CCSER1: variants seen among roughly 807,000 people sequenced by gnomAD.
CCSER1 encodes coiled-coil serine rich protein 1, also known as serine-rich coiled-coil domain-containing protein 1.
Under a neutral mutation model 82.0 loss-of-function variants are expected in CCSER1, and 41 were observed. The ratio of observed to expected loss-of-function variants is 0.50; its 90% CI spans 0.39 to 0.65. The LOEUF (loss-of-function observed/expected upper bound fraction) is 0.65, where lower values mean the gene tolerates loss of function less well. Ranked by LOEUF, CCSER1 falls within the 30% of genes least tolerant of loss-of-function variation. The probability of loss-of-function intolerance (pLI) is 0.00; values close to 1 mark genes in which losing one functional copy is unlikely to be tolerated. For synonymous variants in CCSER1, 414 were observed against 383.9 expected (o/e 1.08, Z -0.92); for missense variants, 1,119 against 1,064.2 (o/e 1.05, Z -0.72).
chr4:90,258,501 C>T lies in CCSER1; in HGVS notation c.-41-49743C>T, dbSNP rs562118219. 5.9e-5 allele frequency among the ~76,000 whole-genome samples: 9 copies of T among 152,024 alleles called. No homozygotes were observed. In the South Asian group the frequency reaches 1.7e-3, roughly 28 times the overall value. Reference sequence around the variant, plus strand: ...CATTCCAGCCTGGCGAAAGGTGAGACTCCATCTCAAAAACAAACAAACAAA... The same window carrying T: ...CATTCCAGCCTGGCGAAAGGTGAGATTCCATCTCAAAAACAAACAAACAAA... On this transcript the variant is annotated intron_variant, in intron 1 of 10. Transcript: ENST00000509176.
At chr4:91,584,114 G>C (rs1440499510) in intron 10 of CCSER1, among the ~76,000 whole-genome samples, 1 of 151,276 alleles carries the variant, frequency 6.6e-6, no homozygotes, top group Non-Finnish European at 1.5e-5. Flanking sequence ...TTCATTTTTT[G>C]TTCAACAGAT....
intron 9 of CCSER1, among the ~76,000 whole-genome samples, chr4:90,973,927 G>A (rs575704584): frequency 4.0e-5 from 6 of 151,606 alleles, no homozygotes; most frequent in Admixed American, 3.3e-4. Context: ...ATGTGTTCCT[G>A]GTCCATTCAT....
chr4:90,164,113 A>T (rs1411088913), intron 1 of CCSER1, among the ~76,000 whole-genome samples: 2 of 152,102 alleles, frequency 1.3e-5, no homozygotes, highest in Non-Finnish European at 2.9e-5. Flanking sequence ...CCTGGAAATC[A>T]TGACTGCTTC....
chr4:90,548,137 A>C (rs2153639143), intron 5 of CCSER1, among the ~76,000 whole-genome samples: 1 of 152,254 alleles, frequency 6.6e-6, no homozygotes, highest in East Asian at 1.9e-4. Context: ...TAGACCAGAA[A>C]AAAAAAATTA....
intron 10 of CCSER1, among the ~76,000 whole-genome samples, chr4:91,393,700 A>G (rs752273324): frequency 6.6e-6 from 1 of 152,052 alleles, no homozygotes; most frequent in Non-Finnish European, 1.5e-5. Context: ...CTCCTGCTGT[A>G]TCTAATTTCT....
chr4:91,312,005 A>C (rs1035759376), intron 10 of CCSER1, among the ~76,000 whole-genome samples: 1 of 151,894 alleles, frequency 6.6e-6, no homozygotes, highest in Non-Finnish European at 1.5e-5. Context: ...TGAGGAGGAA[A>C]TTATTCTGAT....
intron 1 of CCSER1, among the ~76,000 whole-genome samples, chr4:90,259,167 T>C (rs998248373): frequency 5.9e-5 from 9 of 152,200 alleles, no homozygotes; most frequent in Non-Finnish European, 1.0e-4. Flanking sequence ...TAGTGTTTTG[T>C]AGTTTTCCTT....
At chr4:91,426,638 C>T (rs1292506307) in intron 10 of CCSER1, among the ~76,000 whole-genome samples, 1 of 151,904 alleles carries the variant, frequency 6.6e-6, no homozygotes, top group Non-Finnish European at 1.5e-5. Flanking sequence ...AATTTGAAAC[C>T]TATATGATAA....
intron 6 of CCSER1, among the ~76,000 whole-genome samples, chr4:90,697,751 G>A (rs1049037751): frequency 5.9e-5 from 9 of 152,078 alleles, no homozygotes; most frequent in Non-Finnish European, 1.3e-4. Flanking sequence ...GAGAACAATT[G>A]ATTTGCAGGT....
At chr4:91,412,753 G>A (rs1922219) in intron 10 of CCSER1, among the ~76,000 whole-genome samples, 117,236 of 152,032 alleles carry the variant, frequency 0.77, 45,788 homozygotes, top group African/African-American at 0.9. Context: ...GTAAAGAATG[G>A]AAGTGGTATT....
At chr4:90,269,443 A>G (rs1725851209) in intron 1 of CCSER1, among the ~76,000 whole-genome samples, 1 of 152,116 alleles carries the variant, frequency 6.6e-6, no homozygotes, top group South Asian at 2.1e-4. Flanking sequence ...CTAGTGGGTC[A>G]ATGAAGAGAT....
At chr4:90,691,608 T>G (rs1323101315) in intron 6 of CCSER1, among the ~76,000 whole-genome samples, 1 of 146,424 alleles carries the variant, frequency 6.8e-6, no homozygotes, top group African/African-American at 2.5e-5. Context: ...TGTGTATATA[T>G]CACATGTATA....
At chr4:91,382,645 T>C (rs1462651286) in intron 10 of CCSER1, among the ~76,000 whole-genome samples, 3 of 152,162 alleles carry the variant, frequency 2.0e-5, no homozygotes, top group Non-Finnish European at 4.4e-5. Context: ...CCCTGACCCA[T>C]TGCGCTTCTT....
At chr4:91,148,740 T>C (rs1729806865) in intron 10 of CCSER1, among the ~76,000 whole-genome samples, 2 of 152,148 alleles carry the variant, frequency 1.3e-5, no homozygotes, top group African/African-American at 2.4e-5. Flanking sequence ...TGGTGTTTGG[T>C]TTTCTATTCT....
At chr4:90,457,416 C>A (rs1266077162) in intron 4 of CCSER1, among the ~76,000 whole-genome samples, 1 of 152,164 alleles carries the variant, frequency 6.6e-6, no homozygotes, top group Non-Finnish European at 1.5e-5. Flanking sequence ...CAGCAGGTCC[C>A]AAGTACTTGT....
intron 10 of CCSER1, among the ~76,000 whole-genome samples, chr4:91,443,504 G>A (rs1755339891): frequency 8.4e-6 from 1 of 119,380 alleles, no homozygotes; most frequent in Admixed American, 1.0e-4. Context: ...GGGGACTGTT[G>A]TGGGGTGGGG....
intron 7 of CCSER1, among the ~76,000 whole-genome samples, chr4:90,742,870 A>T (rs1746782303): frequency 6.6e-6 from 1 of 152,158 alleles, no homozygotes; most frequent in South Asian, 2.1e-4. Context: ...TTTTTATTGT[A>T]CCATGTGGAT....
chr4:90,324,906 A>G (rs1198716136), intron 3 of CCSER1, among the ~76,000 whole-genome samples: 1 of 152,174 alleles, frequency 6.6e-6, no homozygotes, highest in Non-Finnish European at 1.5e-5. Context: ...CAGTTTTCCC[A>G]GCACCATTTA....
At chr4:91,043,426 T>C (rs1387613405) in intron 9 of CCSER1, among the ~76,000 whole-genome samples, 1 of 152,046 alleles carries the variant, frequency 6.6e-6, no homozygotes, top group Non-Finnish European at 1.5e-5. Flanking sequence ...ATCCCTAGAA[T>C]TGACAGTGTT....
Sources: allele counts gnomAD v4.1 joint callset (sites outside exome capture counted in the v4.1 genomes callset), GRCh38; gene constraint gnomAD v4.1.1; transcripts MANE v1.5; gene names NCBI Gene and HGNC (gene_info 2026-07-23, HGNC 2026-07-21).